The following SNED1 variants were observed in gnomAD, a reference collection of about 807,000 sequenced individuals.
SNED1 encodes sushi, nidogen and EGF like domains 1.
SNED1 carries 81 observed loss-of-function variants against 166.7 expected under a neutral mutation model. That is an observed-to-expected ratio of 0.49 (90% CI 0.41 to 0.58). The LOEUF (loss-of-function observed/expected upper bound fraction) is 0.58. Ranked by LOEUF, SNED1 falls within the 20% of genes least tolerant of loss-of-function variation. SNED1 has a pLI of 0.00. For missense variants in SNED1, 1,604 were observed against 2,000.2 expected (o/e 0.80, Z 3.78); for synonymous variants, 762 against 822.0 (o/e 0.93, Z 1.25).
At chr2:241,061,304 T>C (rs2062222053) in intron 16 of SNED1, among the ~76,000 whole-genome samples, 1 of 152,076 alleles carries the variant, frequency 6.6e-6, no homozygotes, top group African/African-American at 2.4e-5. Context: ...GAAATGCAAA[T>C]CAAAAGTGCA....
At chr2:241,015,673 C>T (rs34594246) in intron 1 of SNED1, 1 of 86,404 alleles carries the variant, frequency 1.2e-5, no homozygotes, top group Non-Finnish European at 2.9e-5. Flanking sequence ...CGAGGCCTCC[C>T]ATGAATCGTC....
chr2:241,081,869 T>A, intron 28 of SNED1, 76 bp downstream of exon 28: 1 of 1,164,916 alleles, frequency 8.6e-7, no homozygotes, highest in Non-Finnish European at 1.3e-6. Flanking sequence ...GGGCCACAGC[T>A]GGGTTTGCCA....
chr2:241,002,447 C>T (rs1281518553), intron 1 of SNED1, among the ~76,000 whole-genome samples: 1 of 152,196 alleles, frequency 6.6e-6, no homozygotes, highest in Non-Finnish European at 1.5e-5. Flanking sequence ...CCCGGGCTGG[C>T]CCACCCCCTG....
intron 8 of SNED1, chr2:241,040,774 A>C: frequency 2.1e-6 from 1 of 470,438 alleles, no homozygotes; most frequent in Non-Finnish European, 4.3e-6. Flanking sequence ...CTTTTTTAAC[A>C]TCTTCCTCTC....
Position 241,091,141 on chromosome 2 carries a change from T to TTA in SNED1, c.*2-494_*2-493dup, listed in dbSNP as rs34352272. 0.16 allele frequency among the ~76,000 whole-genome samples: 24,872 copies of TTA among 152,092 alleles called. 3,189 individuals carry two copies. Among genetic ancestry groups the TTA allele is most frequent in the East Asian group, 0.35 (1,798 of 5,166 alleles). On this transcript the variant is annotated intron_variant, in intron 31 of 31. Coordinates refer to ENST00000310397, the MANE Select transcript of SNED1 (RefSeq NM_001080437.3). This position sits in a 1 kb window ranked among gnomAD's most constrained non-coding sequence, Gnocchi z 4.1. ...CCCCAACTAATTATCAAATACTGAC[T>TTA]TATAGAATACCTATTCTTGAAATAA...
intron 24 of SNED1, 77 bp from the exon 25 acceptor site, chr2:241,071,499 A>T (rs1483545767): frequency 7.4e-6 from 11 of 1,491,944 alleles, no homozygotes; most frequent in Middle Eastern, 4.4e-4. Context: ...TGTGAGGGGC[A>T]CCACCCATGC....
chr2:241,065,003 C>T (rs2062381150), intron 20 of SNED1, 46 bp downstream of exon 20: 7 of 1,438,324 alleles, frequency 4.9e-6, no homozygotes, highest in Non-Finnish European at 4.7e-6. Context: ...GAGGGGGTCC[C>T]CTCTCCCTAG....
chr2:241,053,104 G>A, intron 15 of SNED1, 49 bp from the exon 16 acceptor site: 1 of 1,557,044 alleles, frequency 6.4e-7, no homozygotes, highest in Non-Finnish European at 8.7e-7. Context: ...CGGTGGGGAG[G>A]GGCCAGGAAG....
At chr2:241,058,143 A>G (rs905821291) in intron 16 of SNED1, among the ~76,000 whole-genome samples, 13 of 152,348 alleles carry the variant, frequency 8.5e-5, no homozygotes, top group Admixed American at 7.8e-4. Context: ...CGTATTAGCT[A>G]TATTACTATC....
At position 241,094,019 on chromosome 2, in the gene SNED1, TACA is replaced by T. The variant is rs779187602; in HGVS notation, c.*2390_*2392del. 159 of 275,540 alleles carry T rather than the reference TACA, an allele frequency of 5.8e-4. 1 individual carries two copies. Among genetic ancestry groups the T allele is most frequent in the Non-Finnish European group, 7.9e-4 (109 of 138,730 alleles). The allele number at this position is 275,540 out of a possible 1,614,324, so 17.1% of individuals were successfully genotyped here. On this transcript the variant is annotated 3_prime_UTR_variant, in exon 32 of 32. Transcript: ENST00000310397. The surrounding 1 kb of genome is among the most constrained non-coding windows in gnomAD (Gnocchi z 4.3). ...GATTCTACTTAGTCCTCCGACTGGG[TACA>T]ACAACAGCCTAGGTTCTAGGGAGGG...
At chr2:241,017,085 A>G (rs1392965153) in intron 1 of SNED1, among the ~76,000 whole-genome samples, 2 of 152,038 alleles carry the variant, frequency 1.3e-5, no homozygotes, top group Non-Finnish European at 2.9e-5. Context: ...TCCCGACCTC[A>G]GGTGATCCAC....
intron 1 of SNED1, among the ~76,000 whole-genome samples, chr2:241,007,735 C>T (rs565180680): frequency 5.6e-4 from 86 of 152,312 alleles, no homozygotes; most frequent in Non-Finnish European, 1.1e-3. Context: ...TGTTACGCCA[C>T]GAGCATTTAC....
At chr2:241,056,548 T>A (rs1198593085) in intron 16 of SNED1, among the ~76,000 whole-genome samples, 1 of 150,928 alleles carries the variant, frequency 6.6e-6, no homozygotes, top group Non-Finnish European at 1.5e-5. Flanking sequence ...AAAAATAATT[T>A]AAAAATGAAT....
At chr2:241,005,292 C>T (rs1036650573) in intron 1 of SNED1, among the ~76,000 whole-genome samples, 5 of 152,138 alleles carry the variant, frequency 3.3e-5, no homozygotes, top group Non-Finnish European at 7.3e-5. Context: ...CAACCTCTGC[C>T]TCCCGGGTTC....
In SNED1 at chr2:241,051,624, G is replaced by C. The variant is rs2061843680; in HGVS notation, c.1736-120G>C. The C allele has an allele frequency of 1.3e-6, 1 of 788,512 alleles. No individual in the cohort carries two copies. The allele number at this position is 788,512 out of a possible 1,614,324, so 48.8% of individuals were successfully genotyped here. A position where few individuals can be genotyped will look rare whatever the true frequency, so the allele number is the denominator to read the frequency against. ...TGGCCCCTGCTGCAGCCAGGCCCCA[G>C]GGCTTCGTCGAGAAGGCCCCACCAG... On this transcript the variant is annotated intron_variant, in intron 12 of 31. Transcript: ENST00000310397. This position sits in a 1 kb window ranked among gnomAD's most constrained non-coding sequence, Gnocchi z 4.7.
At chr2:241,040,521 A>G (rs1243133977) in intron 8 of SNED1, 108 bp downstream of exon 8, 20 of 700,974 alleles carry the variant, frequency 2.9e-5, no homozygotes, top group Non-Finnish European at 4.7e-5. Flanking sequence ...CTCACCTCAC[A>G]CCTGTCTCTG....
chr2:241,021,480 A>G (rs772749293), intron 1 of SNED1, among the ~76,000 whole-genome samples: 1 of 152,124 alleles, frequency 6.6e-6, no homozygotes, highest in Non-Finnish European at 1.5e-5. Context: ...GACAGTCACA[A>G]TCTATGTTCT....
At chr2:241,009,788 G>C (rs2060330818) in intron 1 of SNED1, among the ~76,000 whole-genome samples, 1 of 151,686 alleles carries the variant, frequency 6.6e-6, no homozygotes, top group Non-Finnish European at 1.5e-5. Context: ...TTGGGTGACT[G>C]CTTCTGTCCC....
Position 241,019,502 on chromosome 2 carries a change from C to T in SNED1, c.214-10782C>T, listed in dbSNP as rs187677490. ...TGGTGGTCCTGGGGGCAGGGGCAGGCGTGCCCCACAGTGAGGCAGGGAGGC... is the reference window on the plus strand; with the variant it reads ...TGGTGGTCCTGGGGGCAGGGGCAGGTGTGCCCCACAGTGAGGCAGGGAGGC... On this transcript the variant is annotated intron_variant, in intron 1 of 31. Coordinates refer to ENST00000310397, the MANE Select transcript of SNED1 (RefSeq NM_001080437.3). Among the ~76,000 whole-genome samples the T allele has an allele frequency of 6.6e-5, 10 of 152,150 alleles. No individual in the cohort carries two copies. In the East Asian group the frequency reaches 1.7e-3, roughly 27 times the overall value.
Sources: gnomAD v4.1 joint callset for allele counts (sites outside exome capture counted in the v4.1 genomes callset) on GRCh38, gnomAD v4.1.1 for gene constraint, Gnocchi (gnomAD v3.1) non-coding constraint, MANE v1.5 for transcripts, NCBI Gene and HGNC (gene_info 2026-07-23, HGNC 2026-07-21) for gene names.